Variants in TBCD observed in about 807,000 individuals in gnomAD.
TBCD encodes the protein tubulin-specific chaperone D.
A neutral mutation model predicts 169.3 loss-of-function variants in TBCD; 105 were observed. The observed-to-expected ratio is 0.62, with a 90% CI of 0.53 to 0.73. The LOEUF is 0.73. TBCD is among the 30% of genes least tolerant of loss of function. TBCD has a pLI of 0.00. For missense variants in TBCD, 1,444 were observed against 1,600.1 expected, an observed-to-expected ratio of 0.90 and a Z score of 1.66; for synonymous variants, 700 against 643.9, an observed-to-expected ratio of 1.09 and a Z score of -1.32.
chr17:82,792,772 G>A (rs1419952556), intron 7 of TBCD, among the ~76,000 whole-genome samples: 3 of 152,146 alleles, frequency 2.0e-5, no homozygotes, highest in African/African-American at 4.8e-5. Flanking sequence ...TGATTATTTC[G>A]ATCATTGAAG....
chr17:82,927,910 G>T lies in TBCD; in HGVS notation c.2615G>T (p.Arg872Leu). 1.2e-6 allele frequency: 2 copies of T among 1,613,334 alleles called. No individual in the cohort carries two copies. The highest frequency in any genetic ancestry group is 1.1e-5 in the South Asian group (1 of 91,074). Reference sequence around the variant, plus strand: ...GCCTCTCCTTGTCCCATCAGGGTCCGCAAGGCCGCCATGACCAGTCTGATG... The same window carrying T: ...GCCTCTCCTTGTCCCATCAGGGTCCTCAAGGCCGCCATGACCAGTCTGATG... The part of the protein sequence containing the change: ...DSRGDVGTWV[R>L]KAAMTSLMDL... The change falls in exon 30 of 39, where the codon CGC becomes CTC. Residue 872 changes from arginine to leucine, a missense_variant. Coordinates refer to ENST00000355528, the MANE Select transcript of TBCD (RefSeq NM_005993.5).
rs556285246 is a variant in TBCD, at chr17:82,823,172, A to G, written c.1318+8238A>G. On this transcript the variant is annotated intron_variant, in intron 13 of 38. Coordinates refer to ENST00000355528, the MANE Select transcript of TBCD (RefSeq NM_005993.5). ...CTCCCTGGTAGAGCCGTTGGGGCTC[A>G]GTGCCGAGGCTGGCTCAGGCTCTTG... Among the ~76,000 whole-genome samples the G allele has an allele frequency of 2.5e-3, 379 of 152,352 alleles. 1 individual carries two copies. The highest frequency in any genetic ancestry group is 4.2e-3 in the Non-Finnish European group (283 of 68,018).
chr17:82,763,975 G>A lies in TBCD; in HGVS notation c.246G>A (p.Met82Ile). The change falls in exon 3 of 39, where the codon ATG (methionine) becomes ATA (isoleucine). Residue 82 changes from methionine to isoleucine, a missense_variant. Met to Ile is a conservative substitution (Grantham distance 10, BLOSUM62 1). Transcript: ENST00000355528. ...TATGTTTTTCCCTAGAATGGATGAT[G>A]AACTTGTTGTTGGACATAGTGCAAG... ...HLLDPHLEWMMNLLLDIVQDQ... is the reference protein window; with the variant it reads ...HLLDPHLEWMINLLLDIVQDQ... The A allele has an allele frequency of 6.2e-7, 1 of 1,613,642 alleles. No individual in the cohort carries two copies. The highest frequency in any genetic ancestry group is 8.5e-7 in the Non-Finnish European group (1 of 1,179,654).
intron 5 of TBCD, among the ~76,000 whole-genome samples, chr17:82,771,047 C>CA (rs36015818): frequency 0.069 from 2,589 of 37,542 alleles, 122 homozygotes; most frequent in East Asian, 0.13. Context: ...GACTCCGTCT[C>CA]AAAAAAAAAA....
chr17:82,905,496 G>A (rs1185238791), intron 19 of TBCD, among the ~76,000 whole-genome samples: 3 of 144,988 alleles, frequency 2.1e-5, no homozygotes, highest in East Asian at 2.0e-4. Context: ...TGTGCACGCC[G>A]TCGCCTGCCC....
chr17:82,907,707 C>G (rs375969441), intron 20 of TBCD, 54 bp from the exon 21 acceptor site: 1 of 1,599,350 alleles, frequency 6.3e-7, no homozygotes, highest in Non-Finnish European at 8.5e-7. Context: ...CGAGTGTACT[C>G]GGGGTTAGGG....
chr17:82,847,216 G>A (rs2055213695), intron 13 of TBCD, among the ~76,000 whole-genome samples: 1 of 152,056 alleles, frequency 6.6e-6, no homozygotes, highest in South Asian at 2.1e-4. Context: ...AGCTGGGCGT[G>A]GTGGTGGGTG....
In TBCD at chr17:82,777,059, C is replaced by CT. The variant is rs554084543; in HGVS notation, c.639-4521dup. 2.1e-4 allele frequency among the ~76,000 whole-genome samples: 32 copies of CT among 151,176 alleles called. No homozygotes were observed. In the South Asian group the frequency reaches 5.9e-3, roughly 28 times the overall value. ...GCCCCAGGTGGTTGTTGGCCTTTTC[C>CT]TTTTTTTTTGGACCAAAGTTTTAAT... On this transcript the variant is annotated intron_variant, in intron 6 of 38. Transcript: ENST00000355528.
At chr17:82,854,466 A>C (rs2056083854) in intron 13 of TBCD, among the ~76,000 whole-genome samples, 3 of 152,236 alleles carry the variant, frequency 2.0e-5, no homozygotes, top group Non-Finnish European at 2.9e-5. Context: ...ACCTGTGCGC[A>C]CCGCTCGTGT....
At chr17:82,856,798 C>T (rs1183275393) in intron 13 of TBCD, among the ~76,000 whole-genome samples, 5 of 138,276 alleles carry the variant, frequency 3.6e-5, no homozygotes, top group South Asian at 5.0e-4. Flanking sequence ...ACCCTCGCTG[C>T]GCATCCAGGG....
intron 4 of TBCD, 130 bp from the exon 5 acceptor site, chr17:82,768,290 A>G: frequency 8.9e-7 from 1 of 1,120,748 alleles, no homozygotes; most frequent in Non-Finnish European, 1.3e-6. Flanking sequence ...TCTGGCCCTG[A>G]GGGTGATGGC....
At chr17:82,914,095 C>T (rs552234161) in intron 23 of TBCD, 3 of 152,568 alleles carry the variant, frequency 2.0e-5, no homozygotes, top group African/African-American at 7.2e-5. Flanking sequence ...ACCACACCCA[C>T]TGCTCCCCGC....
intron 7 of TBCD, among the ~76,000 whole-genome samples, chr17:82,790,888 G>A (rs913598240): frequency 2.0e-5 from 3 of 151,970 alleles, no homozygotes; most frequent in Non-Finnish European, 2.9e-5. Flanking sequence ...GACCTCAGAC[G>A]CTGGAGCCTG....
intron 35 of TBCD, chr17:82,937,786 T>G: frequency 4.6e-6 from 6 of 1,310,040 alleles, no homozygotes; most frequent in Non-Finnish European, 6.1e-6. Flanking sequence ...GTGGGGGTCC[T>G]CATGGCAGGG....
intron 13 of TBCD, chr17:82,838,571 C>T: frequency 8.3e-6 from 7 of 845,162 alleles, no homozygotes; most frequent in Non-Finnish European, 1.0e-5. Context: ...TTGCATAACT[C>T]AAGGACACAC....
chr17:82,899,348 TGCGTGTCCGCAGTGCGTCCTCAGC>T (rs1442205833), intron 17 of TBCD, among the ~76,000 whole-genome samples: 1 of 138,716 alleles, frequency 7.2e-6, no homozygotes, highest in Non-Finnish European at 1.6e-5. Flanking sequence ...GTGTCCTCAG[TGCGTGTCCGCAGTGCGTCCTCAGC>T]GCACGTGTCC....
chr17:82,838,623 G>A (rs2054189965), intron 13 of TBCD: 1 of 985,018 alleles, frequency 1.0e-6, no homozygotes, highest in South Asian at 4.7e-5. Context: ...AACGAGATTT[G>A]TGAGTTTTAC....
At chr17:82,942,130 TC>T in intron 38 of TBCD, 1 of 496,606 alleles carries the variant, frequency 2.0e-6, no homozygotes, top group Non-Finnish European at 3.6e-6. Flanking sequence ...AAGGCTGAAC[TC>T]AACAGCAGAC....
chr17:82,860,159 T>A (rs2056637173), intron 13 of TBCD, among the ~76,000 whole-genome samples: 1 of 152,232 alleles, frequency 6.6e-6, no homozygotes, highest in African/African-American at 2.4e-5. Flanking sequence ...TTCTCCCGAA[T>A]GCCTGTTTTT....
Sources: allele counts gnomAD v4.1 joint callset (sites outside exome capture counted in the v4.1 genomes callset), GRCh38; gene constraint gnomAD v4.1.1; transcripts MANE v1.5; gene names NCBI Gene and HGNC (gene_info 2026-07-23, HGNC 2026-07-21).